The following CNTNAP3B variants were observed in gnomAD, a reference collection of about 807,000 sequenced individuals.
CNTNAP3B encodes the protein contactin associated protein family member 3B.
A neutral mutation model predicts 108.9 loss-of-function variants in CNTNAP3B; 25 were observed. The ratio of observed to expected loss-of-function variants is 0.23; its 90% CI spans 0.17 to 0.32. The LOEUF is 0.32. Ranked by LOEUF, CNTNAP3B falls within the 10% of genes least tolerant of loss-of-function variation. The pLI is 1.00. For missense variants in CNTNAP3B, 252 were observed against 1,210.4 expected (o/e 0.21, Z 11.75); for synonymous variants, 103 against 473.4 (o/e 0.22, Z 10.16).
chr9:41,942,847 T>C (rs1824401385), intron 13 of CNTNAP3B, among the ~76,000 whole-genome samples: 1 of 152,044 alleles, frequency 6.6e-6, no homozygotes, highest in African/African-American at 2.4e-5. Flanking sequence ...ACAACAGTTA[T>C]GCAAAGAGCA....
At chr9:42,062,568 A>T (rs1776311500) in intron 3 of CNTNAP3B, among the ~76,000 whole-genome samples, 1 of 110,764 alleles carries the variant, frequency 9.0e-6, no homozygotes, top group Non-Finnish European at 1.8e-5. Flanking sequence ...ATTAAGTCAC[A>T]CTATGTCTTC....
chr9:42,096,596 T>C (rs550861444), intron 2 of CNTNAP3B, among the ~76,000 whole-genome samples: 1 of 129,652 alleles, frequency 7.7e-6, no homozygotes, highest in East Asian at 2.4e-4. Context: ...TTTATGTTAA[T>C]TGTACATGTC....
intron 11 of CNTNAP3B, among the ~76,000 whole-genome samples, chr9:41,964,123 T>C (rs1168322288): frequency 1.3e-5 from 2 of 152,310 alleles, no homozygotes; most frequent in Admixed American, 1.3e-4. Flanking sequence ...TTTAAATACC[T>C]TAAATGTAAC....
chr9:42,067,434 G>GAGAT (rs1264475353), intron 3 of CNTNAP3B, among the ~76,000 whole-genome samples: 3 of 149,302 alleles, frequency 2.0e-5, no homozygotes, highest in Non-Finnish European at 3.0e-5. Context: ...TGCTGCAACA[G>GAGAT]AGATAAGAAG....
intron 12 of CNTNAP3B, among the ~76,000 whole-genome samples, chr9:41,957,975 G>T (rs78491091): frequency 6.8e-6 from 1 of 146,368 alleles, no homozygotes; most frequent in African/African-American, 2.6e-5. Context: ...TGTTAGCCAG[G>T]ATGGTCTCGA....
intron 11 of CNTNAP3B, among the ~76,000 whole-genome samples, chr9:41,962,028 A>T (rs1156556824): frequency 1.3e-5 from 2 of 152,284 alleles, no homozygotes; most frequent in Non-Finnish European, 2.9e-5. Context: ...ATGGAGACAA[A>T]TATTGAGGAA....
In CNTNAP3B at chr9:42,120,632, C is replaced by A. The variant is rs943770396; in HGVS notation, c.85+8378G>T. Among the ~76,000 whole-genome samples the A allele has an allele frequency of 1.5e-5, 2 of 137,708 alleles. 1 individual carries two copies. The highest frequency in any genetic ancestry group is 5.8e-5 in the African/African-American group (2 of 34,442). 90.3% of individuals were successfully genotyped at this position (137,708 alleles called of 152,430 possible). On this transcript the variant is annotated intron_variant, in intron 1 of 23. Coordinates refer to ENST00000377561, the MANE Select transcript of CNTNAP3B (RefSeq NM_001201380.3). ...TGTGGCACATATACACCATGGAATACTATGCAGCCATAAAAAATGATGAGT... is the reference window on the plus strand; with the variant it reads ...TGTGGCACATATACACCATGGAATAATATGCAGCCATAAAAAATGATGAGT...
chr9:41,934,110 T>C (rs1414943576), intron 14 of CNTNAP3B, among the ~76,000 whole-genome samples: 2 of 127,046 alleles, frequency 1.6e-5, no homozygotes, highest in South Asian at 2.4e-4. Context: ...CATATATATA[T>C]ATATATATAT....
rs1366450650 is a variant in CNTNAP3B, at chr9:42,118,517, G to A, written c.85+10493C>T. Among the ~76,000 whole-genome samples, 271 of 133,300 alleles carry A rather than the reference G, an allele frequency of 2.0e-3. 60 individuals are homozygous for A. The highest frequency in any genetic ancestry group is 7.5e-3 in the African/African-American group (249 of 33,068). 87.4% of individuals were successfully genotyped at this position (133,300 alleles called of 152,430 possible). On this transcript the variant is annotated intron_variant, in intron 1 of 23. Coordinates refer to ENST00000377561, the MANE Select transcript of CNTNAP3B (RefSeq NM_001201380.3). ...ACTCTCAACAAATTAGGTATTGATG[G>A]CACCTATCTCAAAATAATAAGAGCT...
intron 13 of CNTNAP3B, among the ~76,000 whole-genome samples, chr9:41,945,361 C>T (rs1290036488): frequency 1.3e-5 from 2 of 152,306 alleles, no homozygotes; most frequent in Non-Finnish European, 2.9e-5. Context: ...GACTTGGAAC[C>T]AACCCAAATG....
intron 13 of CNTNAP3B, among the ~76,000 whole-genome samples, chr9:41,940,632 C>T (rs1350907376): frequency 3.3e-5 from 5 of 152,344 alleles, no homozygotes; most frequent in East Asian, 1.9e-4. Context: ...CTGGCTAACA[C>T]GGTGAAACCC....
chr9:41,973,270 A>T (rs1825459501), intron 9 of CNTNAP3B, among the ~76,000 whole-genome samples: 1 of 138,972 alleles, frequency 7.2e-6, no homozygotes, highest in Non-Finnish European at 1.6e-5. Flanking sequence ...AAGAAAATGA[A>T]TTCGATAACT....
At chr9:42,109,402 CA>C (rs1390691512) in intron 1 of CNTNAP3B, among the ~76,000 whole-genome samples, 1 of 145,768 alleles carries the variant, frequency 6.9e-6, no homozygotes, top group Non-Finnish European at 1.5e-5. Context: ...CATGCATTTT[CA>C]AACAGCAATT....
rs539482601 is a variant in CNTNAP3B, at chr9:42,122,168, G to A, written c.85+6842C>T. Among the ~76,000 whole-genome samples the A allele has an allele frequency of 2.2e-5, 3 of 139,362 alleles. 1 individual carries two copies. Among genetic ancestry groups the A allele is most frequent in the African/African-American group, 5.7e-5 (2 of 35,284 alleles). The allele number at this position is 139,362 out of a possible 152,430, so 91.4% of individuals were successfully genotyped here. ...TATAGTTCAAGATGTATTGATAAGC[G>A]TGTTAAGCTTATTTTTATATATGAA... On this transcript the variant is annotated intron_variant, in intron 1 of 23. Coordinates refer to ENST00000377561, the MANE Select transcript of CNTNAP3B (RefSeq NM_001201380.3).
rs1457835752 is a variant in CNTNAP3B, at chr9:41,977,513, T to C, written c.1478-7268A>G. 6.3e-5 allele frequency among the ~76,000 whole-genome samples: 9 copies of C among 142,218 alleles called. No individual in the cohort carries two copies. In the South Asian group the frequency reaches 2.1e-3, roughly 33 times the overall value. 93.3% of individuals were successfully genotyped at this position (142,218 alleles called of 152,430 possible). On this transcript the variant is annotated intron_variant, in intron 9 of 23. Coordinates refer to ENST00000377561, the MANE Select transcript of CNTNAP3B (RefSeq NM_001201380.3). ...AGAAACTTTGCAGATTGACATTGTC[T>C]GTTTTCACAGTTGCTCTTGGAAAGT...
intron 14 of CNTNAP3B, among the ~76,000 whole-genome samples, chr9:41,931,190 A>T (rs1342563742): frequency 4.6e-5 from 7 of 152,298 alleles, no homozygotes; most frequent in Admixed American, 4.6e-4. Context: ...ATTAAAAAAA[A>T]TTAAATTGGC....
chr9:41,934,554 C>T (rs915383691), intron 14 of CNTNAP3B, among the ~76,000 whole-genome samples: 1 of 152,262 alleles, frequency 6.6e-6, no homozygotes, highest in African/African-American at 2.4e-5. Flanking sequence ...TCTGATGATA[C>T]ACACAAGTGT....
At chr9:42,049,256 G>A (rs1360000559) in intron 3 of CNTNAP3B, among the ~76,000 whole-genome samples, 1 of 138,430 alleles carries the variant, frequency 7.2e-6, no homozygotes, top group Non-Finnish European at 1.5e-5. Flanking sequence ...TGTGTTGACT[G>A]TACACCTCTA....
chr9:41,951,738 G>A (rs1469540775), intron 13 of CNTNAP3B, among the ~76,000 whole-genome samples: 1 of 151,808 alleles, frequency 6.6e-6, no homozygotes, highest in Non-Finnish European at 1.5e-5. Flanking sequence ...CCCTGGGAAG[G>A]GACCCAGATG....
Sources: gnomAD v4.1 joint callset for allele counts (sites outside exome capture counted in the v4.1 genomes callset) on GRCh38, gnomAD v4.1.1 for gene constraint, MANE v1.5 for transcripts, NCBI Gene and HGNC (gene_info 2026-07-23, HGNC 2026-07-21) for gene names.